QSOX1: variants seen among roughly 807,000 people sequenced by gnomAD.
The protein encoded by QSOX1 is sulfhydryl oxidase 1.
A neutral mutation model predicts 76.1 loss-of-function variants in QSOX1; 40 were observed. That is an observed-to-expected ratio of 0.53 (90% CI 0.41 to 0.68). The LOEUF is 0.68. Among genes scored for constraint, QSOX1 ranks in the 30% least tolerant of loss-of-function variants. The probability of loss-of-function intolerance (pLI) is 0.00; values close to 1 mark genes in which losing one functional copy is unlikely to be tolerated. For missense variants in QSOX1, 931 were observed against 974.3 expected, an observed-to-expected ratio of 0.96 and a Z score of 0.59; for synonymous variants, 392 against 413.1, an observed-to-expected ratio of 0.95 and a Z score of 0.62.
At chr1:180,189,936 A>G (rs1444784815) in intron 9 of QSOX1, among the ~76,000 whole-genome samples, 1 of 152,248 alleles carries the variant, frequency 6.6e-6, no homozygotes, top group African/African-American at 2.4e-5. Flanking sequence ...AGGTTAAGCA[A>G]CTTGTCTGGG....
Position 180,196,298 on chromosome 1 carries a change from A to C in QSOX1, c.1505A>C (p.Gln502Pro). 6.2e-7 allele frequency: 1 copy of C among 1,613,868 alleles called. No homozygotes were observed. Among genetic ancestry groups the C allele is most frequent in the Non-Finnish European group, 8.5e-7 (1 of 1,179,814 alleles). The change falls in exon 12 of 12, where the codon CAG (glutamine) becomes CCG (proline). Residue 502 changes from glutamine to proline, a missense_variant. By Grantham distance (76) the Gln-to-Pro change is moderately conservative. Coordinates refer to ENST00000367602, the MANE Select transcript of QSOX1 (RefSeq NM_002826.5). The surrounding 1 kb of genome is among the most constrained non-coding windows in gnomAD (Gnocchi z 4.1). ...PSEDPQFPKV[Q>P]WPPRELCSAC... ...GAGGACCCCCAGTTCCCCAAGGTGCAGTGGCCACCCCGTGAACTTTGTTCT... is the reference window on the plus strand; with the variant it reads ...GAGGACCCCCAGTTCCCCAAGGTGCCGTGGCCACCCCGTGAACTTTGTTCT...
At chr1:180,155,417 C>T (rs996320724) in intron 1 of QSOX1, among the ~76,000 whole-genome samples, 1 of 152,196 alleles carries the variant, frequency 6.6e-6, no homozygotes, top group African/African-American at 2.4e-5. Flanking sequence ...CCTGGGCCCC[C>T]AGACCTGCCC....
At chr1:180,191,669 G>C (rs1249179617) in intron 10 of QSOX1, among the ~76,000 whole-genome samples, 1 of 152,230 alleles carries the variant, frequency 6.6e-6, no homozygotes, top group East Asian at 1.9e-4. Flanking sequence ...GGAAGACAAA[G>C]CAAAGCAGTG....
Position 180,190,600 on chromosome 1 carries a change from A to G in QSOX1, c.1288+20A>G, listed in dbSNP as rs749359276. ...AAGCAGGTACGTCCAGGACCCGTTC[A>G]CCCCACTGTGCCTCCAACCCTGCTC... On this transcript the variant is annotated intron_variant, in intron 10 of 11. Transcript: ENST00000367602. 1.2e-6 allele frequency: 2 copies of G among 1,603,686 alleles called. No homozygotes were observed. Among genetic ancestry groups the G allele is most frequent in the South Asian group, 1.1e-5 (1 of 90,168 alleles).
chr1:180,174,592 G>A (rs942481082), intron 2 of QSOX1, among the ~76,000 whole-genome samples: 3 of 152,188 alleles, frequency 2.0e-5, no homozygotes, highest in African/African-American at 4.8e-5. Flanking sequence ...CCCAAGGGAC[G>A]TAGGAAGTGC....
chr1:180,188,626 C>T (rs539986263), intron 8 of QSOX1, among the ~76,000 whole-genome samples: 3 of 152,322 alleles, frequency 2.0e-5, no homozygotes, highest in East Asian at 1.9e-4. Flanking sequence ...TCCAGCCCAA[C>T]GTTTGATAGG....
At chr1:180,191,279 A>G (rs1265402128) in intron 10 of QSOX1, among the ~76,000 whole-genome samples, 1 of 152,232 alleles carries the variant, frequency 6.6e-6, no homozygotes, top group Non-Finnish European at 1.5e-5. Context: ...AGGGGGACAG[A>G]GAGGCCTGCA....
In QSOX1 at chr1:180,155,133, T is replaced by G. The variant is rs1431088237; in HGVS notation, c.226T>G (p.Phe76Val). Residue 76 changes from phenylalanine (F) to valine (V), a missense_variant, in exon 1 of 12, where the codon TTC becomes GTC. Coordinates refer to ENST00000367602, the MANE Select transcript of QSOX1 (RefSeq NM_002826.5). ...FASWCGHCIA[F>V]APTWKALAED... ...CTCCTGGTGCGGCCACTGCATCGCCTTCGCCCCGACGTGGAAGGCGCTGGC... is the reference window on the plus strand; with the variant it reads ...CTCCTGGTGCGGCCACTGCATCGCCGTCGCCCCGACGTGGAAGGCGCTGGC... 5.3e-6 allele frequency: 8 copies of G among 1,521,324 alleles called. No homozygotes were observed. In the East Asian group the frequency reaches 1.9e-4, roughly 35 times the overall value. 94.2% of individuals were successfully genotyped at this position (1,521,324 alleles called of 1,614,324 possible). A position where few individuals can be genotyped will look rare whatever the true frequency, so the allele number is the denominator to read the frequency against.
At chr1:180,195,838 C>A (rs1157109725) in intron 11 of QSOX1, among the ~76,000 whole-genome samples, 1 of 152,104 alleles carries the variant, frequency 6.6e-6, no homozygotes, top group Non-Finnish European at 1.5e-5. Flanking sequence ...CAGAAAAATG[C>A]AAAAAAAGAC....
At chr1:180,159,034 A>C (rs1255530822) in intron 1 of QSOX1, among the ~76,000 whole-genome samples, 1 of 152,084 alleles carries the variant, frequency 6.6e-6, no homozygotes, top group African/African-American at 2.4e-5. Context: ...GGGGCAGGGG[A>C]CGCTGCCCTT....
In QSOX1 at chr1:180,175,438, T is replaced by G. The variant is rs1038737169; in HGVS notation, c.412+72T>G. ...CCTCCCTCTTCACCTGGGTTTCTAT[T>G]GGGGTGGAGAAAGCCCTGGCAGTCG... On this transcript the variant is annotated intron_variant, in intron 3 of 11. Coordinates refer to ENST00000367602, the MANE Select transcript of QSOX1 (RefSeq NM_002826.5). The G allele has an allele frequency of 6.5e-6, 10 of 1,527,522 alleles. No homozygotes were observed. In the South Asian group the frequency reaches 1.0e-4, roughly 15 times the overall value. The allele number at this position is 1,527,522 out of a possible 1,614,324, so 94.6% of individuals were successfully genotyped here.
chr1:180,169,785 G>A (rs1367714862), intron 2 of QSOX1, among the ~76,000 whole-genome samples: 2 of 152,246 alleles, frequency 1.3e-5, no homozygotes, highest in Non-Finnish European at 2.9e-5. Flanking sequence ...CACTGCAGGC[G>A]TGGCCAGGAG....
chr1:180,175,412 A>G (rs751883814), intron 3 of QSOX1, 46 bp downstream of exon 3: 10 of 1,581,844 alleles, frequency 6.3e-6, no homozygotes, highest in East Asian at 2.2e-5. Flanking sequence ...TCCTCCCCCA[A>G]CCTCCCTCTT....
In QSOX1 at chr1:180,196,114, C is replaced by G; in HGVS notation, c.1469-148C>G. The G allele has an allele frequency of 2.0e-6, 2 of 1,011,528 alleles. No homozygotes were observed. The highest frequency in any genetic ancestry group is 2.8e-6 in the Non-Finnish European group (2 of 708,464). The allele number at this position is 1,011,528 out of a possible 1,614,324, so 62.7% of individuals were successfully genotyped here. Reference sequence around the variant, plus strand: ...CCCACTGTGGGCTAGTGTTTGTAATCTGTATTTTCTAATTACCCATCCTCT... The same window carrying G: ...CCCACTGTGGGCTAGTGTTTGTAATGTGTATTTTCTAATTACCCATCCTCT... On this transcript the variant is annotated intron_variant, in intron 11 of 11. Coordinates refer to ENST00000367602, the MANE Select transcript of QSOX1 (RefSeq NM_002826.5). The surrounding 1 kb of genome is among the most constrained non-coding windows in gnomAD (Gnocchi z 4.1).
Position 180,203,662 on chromosome 1 carries a change from C to T in QSOX1, c.*6625C>T, listed in dbSNP as rs561437559. 6.6e-6 allele frequency: 1 copy of T among 152,284 alleles called. No homozygotes were observed. Among genetic ancestry groups the T allele is most frequent in the East Asian group, 1.9e-4 (1 of 5,192 alleles). 9.4% of individuals were successfully genotyped at this position (152,284 alleles called of 1,614,324 possible). On this transcript the variant is annotated 3_prime_UTR_variant, in exon 12 of 12. Coordinates refer to ENST00000367602, the MANE Select transcript of QSOX1 (RefSeq NM_002826.5). ...GGCTCCTATGATGTAACCAACAGAC[C>T]AAACCAATATGGAGTCATTCATGCT... is the stretch of plus-strand genomic sequence containing the variant.
intron 8 of QSOX1, among the ~76,000 whole-genome samples, chr1:180,188,049 G>C (rs1663217464): frequency 6.6e-6 from 1 of 152,130 alleles, no homozygotes; most frequent in East Asian, 1.9e-4. Flanking sequence ...CTTCTAGTAT[G>C]ATCTCCGTTT....
intron 2 of QSOX1, among the ~76,000 whole-genome samples, chr1:180,172,542 CAG>C (rs1372995107): frequency 6.6e-6 from 1 of 152,090 alleles, no homozygotes. Flanking sequence ...TTTTTTGAGA[CAG>C]AGTCTCTCTC....
intron 10 of QSOX1, 125 bp from the exon 11 acceptor site, chr1:180,194,088 G>T (rs2149243168): frequency 3.9e-6 from 3 of 766,886 alleles, no homozygotes; most frequent in East Asian, 3.0e-5. Flanking sequence ...CATAGGCTGG[G>T]GTGTGTGGCA....
Position 180,177,172 on chromosome 1 carries a change from C to T in QSOX1, c.515+1139C>T, listed in dbSNP as rs532577245. Among the ~76,000 whole-genome samples the T allele has an allele frequency of 5.9e-5, 9 of 152,158 alleles. No individual in the cohort carries two copies. In the South Asian group the frequency reaches 6.2e-4, roughly 11 times the overall value. ...CCCTCCTTACACACACACGTACATC[C>T]TCATGGCACATTTTCAGCCCTGGGG... is the stretch of plus-strand genomic sequence containing the variant. On this transcript the variant is annotated intron_variant, in intron 4 of 11. Transcript: ENST00000367602.
Sources: gnomAD v4.1 joint callset for allele counts (sites outside exome capture counted in the v4.1 genomes callset) on GRCh38, gnomAD v4.1.1 for gene constraint, Gnocchi (gnomAD v3.1) non-coding constraint, MANE v1.5 for transcripts, NCBI Gene and HGNC (gene_info 2026-07-23, HGNC 2026-07-21) for gene names.